The following ASTN2 variants were observed in gnomAD, a reference collection of about 807,000 sequenced individuals.
ASTN2 encodes astrotactin 2.
ASTN2 carries 54 observed loss-of-function variants against 139.8 expected under a neutral mutation model. The observed-to-expected ratio is 0.39, with a 90% CI of 0.31 to 0.48. ASTN2 has a LOEUF of 0.48. Among genes scored for constraint, ASTN2 ranks in the 20% least tolerant of loss-of-function variants. ASTN2 has a pLI of 0.95. For missense variants in ASTN2, 1,565 were observed against 1,725.1 expected (o/e 0.91, Z 1.64); for synonymous variants, 756 against 719.5 (o/e 1.05, Z -0.81).
intron 1 of ASTN2, among the ~76,000 whole-genome samples, chr9:117,387,348 T>C (rs979213777): frequency 1.1e-4 from 16 of 152,196 alleles, no homozygotes; most frequent in African/African-American, 3.6e-4. Flanking sequence ...AAACATCAAA[T>C]AGAAACAAAT....
chr9:116,657,824 C>T (rs752849438), intron 16 of ASTN2, among the ~76,000 whole-genome samples: 1 of 150,464 alleles, frequency 6.6e-6, no homozygotes, highest in African/African-American at 2.4e-5. Flanking sequence ...CTGGGTGACA[C>T]AGTGAGAACC....
chr9:117,270,006 GAATT>G (rs1834026954), intron 2 of ASTN2, among the ~76,000 whole-genome samples: 1 of 152,126 alleles, frequency 6.6e-6, no homozygotes, highest in Non-Finnish European at 1.5e-5. Flanking sequence ...CTCAAAAAGT[GAATT>G]AATTTGCCCT....
At chr9:116,728,339 T>G (rs903797039) in intron 15 of ASTN2, among the ~76,000 whole-genome samples, 2 of 151,360 alleles carry the variant, frequency 1.3e-5, no homozygotes, top group African/African-American at 4.9e-5. Flanking sequence ...TTGAGGGGAA[T>G]GGAGAACGGG....
chr9:117,139,336 C>T (rs1830021122), intron 4 of ASTN2, among the ~76,000 whole-genome samples: 1 of 152,142 alleles, frequency 6.6e-6, no homozygotes, highest in Non-Finnish European at 1.5e-5. Flanking sequence ...CCTCATTTTA[C>T]AGAAGAGGAA....
At chr9:116,449,772 T>C (rs1316543071) in intron 20 of ASTN2, among the ~76,000 whole-genome samples, 3 of 152,028 alleles carry the variant, frequency 2.0e-5, no homozygotes, top group Non-Finnish European at 4.4e-5. Context: ...GTATAAGAAA[T>C]TTGAGTGCCC....
At chr9:116,474,264 G>A (rs1016036952) in intron 20 of ASTN2, among the ~76,000 whole-genome samples, 1 of 152,174 alleles carries the variant, frequency 6.6e-6, no homozygotes, top group African/African-American at 2.4e-5. Context: ...GTTCAGCCCA[G>A]CTCTGCTCTG....
At chr9:116,580,345 G>A (rs892301680) in intron 19 of ASTN2, among the ~76,000 whole-genome samples, 4 of 152,162 alleles carry the variant, frequency 2.6e-5, no homozygotes, top group African/African-American at 9.7e-5. Context: ...GGTAGCCCAA[G>A]GTGACAGCTC....
intron 17 of ASTN2, among the ~76,000 whole-genome samples, chr9:116,650,010 C>T (rs1857820771): frequency 6.6e-6 from 1 of 152,164 alleles, no homozygotes; most frequent in Admixed American, 6.5e-5. Context: ...CTCCTTTCTC[C>T]CATGCCTTCT....
At chr9:117,021,064 T>C (rs1837864756) in intron 6 of ASTN2, among the ~76,000 whole-genome samples, 1 of 152,030 alleles carries the variant, frequency 6.6e-6, no homozygotes, top group African/African-American at 2.4e-5. Flanking sequence ...CATGCAACAA[T>C]GCCTGGCTAA....
At chr9:116,540,118 C>G (rs1435795404) in intron 19 of ASTN2, among the ~76,000 whole-genome samples, 1 of 152,192 alleles carries the variant, frequency 6.6e-6, no homozygotes, top group Non-Finnish European at 1.5e-5. Flanking sequence ...CTGTAAAATA[C>G]TGGCTGTATT....
At chr9:117,073,617 G>C (rs547657750) in intron 5 of ASTN2, among the ~76,000 whole-genome samples, 19 of 152,290 alleles carry the variant, frequency 1.2e-4, no homozygotes, top group African/African-American at 4.6e-4. Flanking sequence ...AATTACTGCA[G>C]GGTGAAAAAT....
At chr9:117,253,962 C>A (rs758559187) in intron 2 of ASTN2, among the ~76,000 whole-genome samples, 4 of 152,132 alleles carry the variant, frequency 2.6e-5, no homozygotes, top group Non-Finnish European at 5.9e-5. Flanking sequence ...TGAGTCTGAA[C>A]GCTCACAGGC....
intron 7 of ASTN2, among the ~76,000 whole-genome samples, chr9:116,996,013 C>T (rs7034152): frequency 0.15 from 22,949 of 151,710 alleles, 2,124 homozygotes; most frequent in African/African-American, 0.26. Context: ...CTAATTTTCT[C>T]AGATTTTTTT....
chr9:116,957,555 C>A (rs1305720831), intron 10 of ASTN2, among the ~76,000 whole-genome samples: 4 of 152,224 alleles, frequency 2.6e-5, no homozygotes, highest in Admixed American at 6.5e-5. Context: ...ATTTGGACAG[C>A]TTTCAGCCTG....
chr9:116,841,794 T>G (rs1014355983), intron 11 of ASTN2, among the ~76,000 whole-genome samples: 3 of 152,226 alleles, frequency 2.0e-5, no homozygotes, highest in African/African-American at 7.2e-5. Flanking sequence ...GCCTGACAGG[T>G]GCTCACTAAA....
rs1454090530 is a variant in ASTN2 at position 116,728,975 on chromosome 9, C to T, written c.2626+17G>A. 2 of 1,569,390 alleles carry T rather than the reference C, an allele frequency of 1.3e-6. No homozygotes were observed. ...AATTATTCCAAGTCCCCTGGCTGCC[C>T]AGGCAGTGGTCCTCACCTGCTGCGA... On this transcript the variant is annotated intron_variant, in intron 15 of 22. Transcript: ENST00000313400.
chr9:116,504,120 T>G (rs1450197340), intron 19 of ASTN2, among the ~76,000 whole-genome samples: 2 of 152,176 alleles, frequency 1.3e-5, no homozygotes, highest in Non-Finnish European at 2.9e-5. Context: ...GGTGCCTCTG[T>G]GCAAATTGGA....
intron 19 of ASTN2, among the ~76,000 whole-genome samples, chr9:116,511,982 GT>G (rs769592024): frequency 6.6e-6 from 1 of 151,952 alleles, no homozygotes; most frequent in Admixed American, 6.6e-5. Flanking sequence ...TTTTTGAAGG[GT>G]TTTTCGTGTC....
chr9:117,054,970 A>G (rs1404980714), intron 5 of ASTN2, among the ~76,000 whole-genome samples: 1 of 152,180 alleles, frequency 6.6e-6, no homozygotes, highest in Non-Finnish European at 1.5e-5. Flanking sequence ...CACAGGTTAC[A>G]ATAGGGTTGG....
Sources: gnomAD v4.1 joint callset for allele counts (sites outside exome capture counted in the v4.1 genomes callset) on GRCh38, gnomAD v4.1.1 for gene constraint, MANE v1.5 for transcripts, NCBI Gene and HGNC (gene_info 2026-07-23, HGNC 2026-07-21) for gene names.